Variants in PARM1 observed in about 807,000 individuals in gnomAD.
PARM1 encodes the protein prostate androgen-regulated mucin-like protein 1.
Under a neutral mutation model 24.6 loss-of-function variants are expected in PARM1, and 14 were observed. The ratio of observed to expected loss-of-function variants is 0.57; its 90% CI spans 0.38 to 0.89. The LOEUF (loss-of-function observed/expected upper bound fraction) is 0.89. PARM1 is among the 40% of genes least tolerant of loss of function. The probability of loss-of-function intolerance (pLI) is 0.00; values close to 1 mark genes in which losing one functional copy is unlikely to be tolerated. For synonymous variants in PARM1, 179 were observed against 156.6 expected (o/e 1.14, Z -1.07); for missense variants, 362 against 380.4 (o/e 0.95, Z 0.40).
chr4:75,034,020 G>GCCCAA, intron 3 of PARM1, 59 bp downstream of exon 3: 2 of 1,353,414 alleles, frequency 1.5e-6, no homozygotes, highest in Non-Finnish European at 2.1e-6. Context: ...TCTGGGCTGA[G>GCCCAA]CGCTGTTTTG....
intron 1 of PARM1, among the ~76,000 whole-genome samples, chr4:74,970,569 G>T (rs961217144): frequency 6.6e-6 from 1 of 152,194 alleles, no homozygotes; most frequent in Non-Finnish European, 1.5e-5. Context: ...AGTCTAGATT[G>T]AGTAAAACAT....
chr4:74,968,180 T>G (rs1292633968), intron 1 of PARM1, among the ~76,000 whole-genome samples: 1 of 152,246 alleles, frequency 6.6e-6, no homozygotes, highest in Non-Finnish European at 1.5e-5. Flanking sequence ...TATTTCTGTT[T>G]CTTATTTTGT....
At chr4:75,038,790 T>C (rs557620891) in intron 3 of PARM1, among the ~76,000 whole-genome samples, 24 of 152,358 alleles carry the variant, frequency 1.6e-4, no homozygotes, top group Non-Finnish European at 1.0e-4. Flanking sequence ...TAAGTCTGTT[T>C]TGATTTGTTT....
At chr4:74,955,232 G>GA (rs957577775) in intron 1 of PARM1, among the ~76,000 whole-genome samples, 5,141 of 139,830 alleles carry the variant, frequency 0.037, 170 homozygotes, top group African/African-American at 0.094. Context: ...TTTGAAAAAT[G>GA]AAAAAAAAAA....
At chr4:74,978,843 C>G (rs2109770645) in intron 1 of PARM1, among the ~76,000 whole-genome samples, 1 of 152,232 alleles carries the variant, frequency 6.6e-6, no homozygotes, top group Non-Finnish European at 1.5e-5. Context: ...ATTGAACAAC[C>G]TGCTCCTGAA....
intron 1 of PARM1, among the ~76,000 whole-genome samples, chr4:74,983,826 ATTC>A (rs1722303679): frequency 6.6e-6 from 1 of 151,904 alleles, no homozygotes; most frequent in African/African-American, 2.4e-5. Context: ...TGTTGTCTTT[ATTC>A]TTTGTATCAT....
Position 74,933,315 on chromosome 4 carries a change from A to C in PARM1, c.-13A>C. On this transcript the variant is annotated 5_prime_UTR_variant, in exon 1 of 4. Transcript: ENST00000307428. ...CCGCCCGCCCCGGGCTGGGCACCAA[A>C]TACCAGGCTACCATGGTCTACAAGA... 6.2e-7 allele frequency: 1 copy of C among 1,608,866 alleles called. No homozygotes were observed. The highest frequency in any genetic ancestry group is 8.5e-7 in the Non-Finnish European group (1 of 1,177,778).
intron 2 of PARM1, among the ~76,000 whole-genome samples, chr4:75,031,727 C>CA (rs1340728905): frequency 5.9e-5 from 9 of 151,960 alleles, no homozygotes; most frequent in Admixed American, 1.3e-4. Context: ...AAGAGTCTTG[C>CA]AAAAAAATCA....
intron 1 of PARM1, among the ~76,000 whole-genome samples, chr4:75,009,808 G>A (rs1422673979): frequency 6.6e-6 from 1 of 152,190 alleles, no homozygotes; most frequent in Non-Finnish European, 1.5e-5. Context: ...ACAGCAATGA[G>A]TAAGACCAGG....
intron 1 of PARM1, among the ~76,000 whole-genome samples, chr4:74,951,020 A>T (rs749418783): frequency 6.6e-5 from 10 of 152,210 alleles, no homozygotes; most frequent in Admixed American, 2.6e-4. Context: ...GACTCTTTGA[A>T]ACCAACAGTC....
intron 2 of PARM1, among the ~76,000 whole-genome samples, chr4:75,030,549 T>C (rs1251288754): frequency 6.6e-6 from 1 of 152,158 alleles, no homozygotes; most frequent in Non-Finnish European, 1.5e-5. Flanking sequence ...GAGGTTTTGG[T>C]TCACAGGCCT....
chr4:74,974,740 T>TTTGGAGATAA (rs1243818230), intron 1 of PARM1, among the ~76,000 whole-genome samples: 1 of 152,130 alleles, frequency 6.6e-6, no homozygotes, highest in Non-Finnish European at 1.5e-5. Flanking sequence ...TTCAATGTGA[T>TTTGGAGATAA]GGTATTTGGA....
chr4:75,043,463 A>T (rs1393594294), intron 3 of PARM1, among the ~76,000 whole-genome samples: 1 of 152,228 alleles, frequency 6.6e-6, no homozygotes, highest in Non-Finnish European at 1.5e-5. Context: ...GGGGTTAAAA[A>T]CTTATTCAAG....
chr4:75,034,041 G>T, intron 3 of PARM1, 80 bp downstream of exon 3: 1 of 1,121,952 alleles, frequency 8.9e-7, no homozygotes. Flanking sequence ...CTGGATACTT[G>T]TTCCTTAATA....
At position 74,950,572 on chromosome 4, in the gene PARM1, G is replaced by T. The variant is rs552264966; in HGVS notation, c.43+17202G>T. On this transcript the variant is annotated intron_variant, in intron 1 of 3. Coordinates refer to ENST00000307428, the MANE Select transcript of PARM1 (RefSeq NM_015393.4). ...GTGACATTCACACGTACTAGAGGTT[G>T]TGGTTCAGCTTATCTTTTTGGGGAA... 5.3e-5 allele frequency among the ~76,000 whole-genome samples: 8 copies of T among 152,322 alleles called. No individual in the cohort carries two copies. In the South Asian group the frequency reaches 1.7e-3, roughly 32 times the overall value.
chr4:75,012,775 G>A lies in PARM1; in HGVS notation c.394G>A (p.Ala132Thr), dbSNP rs1722901672. 1.2e-6 allele frequency: 2 copies of A among 1,613,986 alleles called. No homozygotes were observed. The highest frequency in any genetic ancestry group is 1.6e-4 in the Middle Eastern group (1 of 6,062). ...LEEHSSGTPEAGVAATLSQSA... is the reference protein window; with the variant it reads ...LEEHSSGTPETGVAATLSQSA... ...GGAACACAGCTCGGGCACTCCTGAA[G>A]CAGGCGTGGCAGCTACACTGTCGCA... Residue 132 changes from alanine (A) to threonine (T), a missense_variant, in exon 2 of 4, where the codon GCA (alanine) becomes ACA (threonine). Transcript: ENST00000307428.
At chr4:74,986,332 G>T (rs1722354855) in intron 1 of PARM1, among the ~76,000 whole-genome samples, 1 of 152,124 alleles carries the variant, frequency 6.6e-6, no homozygotes, top group Non-Finnish European at 1.5e-5. Context: ...TGTTTGAACT[G>T]CCTAATTATA....
At chr4:74,936,453 G>GT (rs869134720) in intron 1 of PARM1, among the ~76,000 whole-genome samples, 4 of 143,234 alleles carry the variant, frequency 2.8e-5, no homozygotes, top group Admixed American at 6.9e-5. Flanking sequence ...TTTTTTGTTT[G>GT]TTTTTTTGTT....
At position 75,012,658 on chromosome 4, in the gene PARM1, C is replaced by G; in HGVS notation, c.277C>G (p.Pro93Ala). ...GTCCAGAGAAGAGGAGATCACCAGC[C>G]CAGGTTCGAATTGGGAAGGCACAAA... Reference protein sequence around the residue: ...IESREEEITSPGSNWEGTNTD... With the variant: ...IESREEEITSAGSNWEGTNTD... Residue 93 changes from proline (P) to alanine (A), a missense_variant, in exon 2 of 4, where the codon CCA (proline) becomes GCA (alanine). Coordinates refer to ENST00000307428, the MANE Select transcript of PARM1 (RefSeq NM_015393.4). 2 of 1,613,948 alleles carry G rather than the reference C, an allele frequency of 1.2e-6. No homozygotes were observed. The highest frequency in any genetic ancestry group is 1.7e-6 in the Non-Finnish European group (2 of 1,179,868).
Sources: gnomAD v4.1 joint callset for allele counts (sites outside exome capture counted in the v4.1 genomes callset) on GRCh38, gnomAD v4.1.1 for gene constraint, MANE v1.5 for transcripts, NCBI Gene and HGNC (gene_info 2026-07-23, HGNC 2026-07-21) for gene names.